Variants in CFAP47 observed in about 807,000 individuals in gnomAD.
The protein encoded by CFAP47 is cilia and flagella associated protein 47.
Under a neutral mutation model 148.1 loss-of-function variants are expected in CFAP47, and 29 were observed. The ratio of observed to expected loss-of-function variants is 0.20; its 90% CI spans 0.15 to 0.27. The LOEUF (loss-of-function observed/expected upper bound fraction) is 0.27. Among genes scored for constraint, CFAP47 ranks in the 10% least tolerant of loss-of-function variants. CFAP47 has a pLI of 1.00. For synonymous variants in CFAP47, 664 were observed against 577.3 expected (o/e 1.15, Z -2.15); for missense variants, 1,872 against 1,697.5 (o/e 1.10, Z -1.81).
chrX:36,046,300 TAAAC>T (rs1407036869), intron 25 of CFAP47, among the ~76,000 whole-genome samples: 2 of 110,521 alleles, frequency 1.8e-5, no homozygotes, highest in Non-Finnish European at 3.8e-5. Flanking sequence ...ATATTAAAAA[TAAAC>T]AGTTTGGAAT....
intron 39 of CFAP47, 89 bp downstream of exon 39, chrX:36,160,858 T>TTC: frequency 4.0e-6 from 1 of 249,547 alleles, no homozygotes; most frequent in Non-Finnish European, 7.0e-6. Context: ...TTCTTTTTTT[T>TTC]TTTTTTTTTT....
intron 32 of CFAP47, among the ~76,000 whole-genome samples, chrX:36,102,011 T>C (rs1426275525): frequency 8.9e-6 from 1 of 111,736 alleles, no homozygotes; most frequent in African/African-American, 3.3e-5. Flanking sequence ...TTTGTCATTG[T>C]TGTTCTGAAG....
intron 48 of CFAP47, 40 bp downstream of exon 48, chrX:36,236,899 A>G: frequency 2.4e-6 from 1 of 422,552 alleles, no homozygotes; most frequent in Non-Finnish European, 4.2e-6. Flanking sequence ...TTTTTTCTGA[A>G]TATAGTGAAT....
At position 35,971,640 on chromosome X, in the gene CFAP47, T is replaced by C. The variant is rs1244608923; in HGVS notation, c.2025T>C (p.Gly675=). 3 of 1,204,710 alleles carry C rather than the reference T, an allele frequency of 2.5e-6. No individual in the cohort carries two copies. The highest frequency in any genetic ancestry group is 6.0e-5 in the East Asian group (2 of 33,420). The change falls in exon 12 of 64, where the codon GGT becomes GGC. Residue 675 remains glycine, a synonymous_variant. Coordinates refer to ENST00000378653, the MANE Select transcript of CFAP47 (RefSeq NM_001304548.2). ...ACATAGGCTTAGAGCCAGGATCAGG[T>C]CTAAAGTCACCCTCACTCTCAGAAG... is the stretch of plus-strand genomic sequence containing the variant. ...DTDIGLEPGS[G]LKSPSLSEAE... is the part of the protein sequence containing the mutation.
At chrX:36,071,679 AC>A in intron 27 of CFAP47, 145 bp from the exon 28 acceptor site, 1 of 395,551 alleles carries the variant, frequency 2.5e-6, no homozygotes, top group Non-Finnish European at 4.0e-6. Context: ...GGGTGTTTAG[AC>A]TTTTTTTTTA....
chrX:36,240,808 G>T (rs1555995876), intron 48 of CFAP47, among the ~76,000 whole-genome samples: 1 of 111,819 alleles, frequency 8.9e-6, no homozygotes, highest in African/African-American at 3.3e-5. Flanking sequence ...AAAAATTACT[G>T]TATAGGTGAA....
intron 59 of CFAP47, among the ~76,000 whole-genome samples, chrX:36,352,106 T>C (rs1556017595): frequency 9.0e-6 from 1 of 111,339 alleles, no homozygotes; most frequent in Admixed American, 9.6e-5. Flanking sequence ...CTCTACTATC[T>C]GTCACACTGT....
intron 49 of CFAP47, among the ~76,000 whole-genome samples, chrX:36,271,991 G>A (rs782786768): frequency 8.1e-5 from 9 of 111,589 alleles, no homozygotes; most frequent in African/African-American, 2.6e-4. Flanking sequence ...AATTCAATAG[G>A]ACCTACAGTT....
chrX:35,975,931 G>A lies in CFAP47; in HGVS notation c.2713+18G>A. Reference sequence around the variant, plus strand: ...AGCTAAAGGTAACAGTTTATTGTTTGTTTGATTTAGACATTTATTTTTTCA... The same window carrying A: ...AGCTAAAGGTAACAGTTTATTGTTTATTTGATTTAGACATTTATTTTTTCA... On this transcript the variant is annotated intron_variant, in intron 15 of 63. Coordinates refer to ENST00000378653, the MANE Select transcript of CFAP47 (RefSeq NM_001304548.2). 1 of 1,200,462 alleles carries A rather than the reference G, an allele frequency of 8.3e-7. No individual in the cohort carries two copies. Among genetic ancestry groups the A allele is most frequent in the South Asian group, 1.8e-5 (1 of 56,523 alleles).
intron 33 of CFAP47, among the ~76,000 whole-genome samples, chrX:36,131,420 G>A (rs185424063): frequency 5.4e-5 from 6 of 110,431 alleles, no homozygotes; most frequent in Non-Finnish European, 9.5e-5. Flanking sequence ...GGAAATCTCT[G>A]CACTTTTTGC....
At chrX:36,072,102 A>T (rs1937765962) in intron 28 of CFAP47, 131 bp downstream of exon 28, 1 of 469,579 alleles carries the variant, frequency 2.1e-6, no homozygotes, top group Non-Finnish European at 3.4e-6. Context: ...TTTGTCATTA[A>T]TTTTAAATGG....
chrX:35,933,779 A>G (rs192196520), intron 2 of CFAP47, among the ~76,000 whole-genome samples: 266 of 111,818 alleles, frequency 2.4e-3, no homozygotes, highest in African/African-American at 8.4e-3. Flanking sequence ...TTGGGGTGAG[A>G]TGATATCTCA....
intron 50 of CFAP47, among the ~76,000 whole-genome samples, chrX:36,284,950 G>A (rs914210248): frequency 9.0e-6 from 1 of 111,248 alleles, no homozygotes; most frequent in African/African-American, 3.3e-5. Context: ...TTTGACAGAC[G>A]TAAAAAACCT....
chrX:36,374,292 T>G (rs947663980), intron 62 of CFAP47, among the ~76,000 whole-genome samples: 2 of 110,948 alleles, frequency 1.8e-5, no homozygotes, highest in Non-Finnish European at 3.8e-5. Flanking sequence ...TCTAGAAATA[T>G]ATACATTTCC....
chrX:35,923,128 GATT>G (rs1489958696), intron 1 of CFAP47, among the ~76,000 whole-genome samples: 1 of 111,110 alleles, frequency 9.0e-6, no homozygotes, highest in African/African-American at 3.3e-5. Context: ...TCCTTAAAGA[GATT>G]ATGTATTCAG....
chrX:35,975,887 T>C lies in CFAP47; in HGVS notation c.2687T>C (p.Ile896Thr). 8.3e-7 allele frequency: 1 copy of C among 1,210,460 alleles called. No individual in the cohort carries two copies. Among genetic ancestry groups the C allele is most frequent in the Non-Finnish European group, 1.1e-6 (1 of 894,375 alleles). ...QWQPVNTGRG[I>T]AFSICPAKGT... ...CAACCCGTAAACACAGGAAGAGGGA[T>C]AGCATTTTCTATTTGTCCAGCTAAA... The change falls in exon 15 of 64, where the codon ATA becomes ACA. Residue 896 changes from isoleucine (I) to threonine (T), a missense_variant. Physicochemically the swap from Ile to Thr is moderately conservative, Grantham distance 89. Transcript: ENST00000378653.
chrX:36,206,282 G>A (rs1555988771), intron 45 of CFAP47, among the ~76,000 whole-genome samples: 2 of 111,916 alleles, frequency 1.8e-5, no homozygotes, highest in African/African-American at 6.5e-5. Flanking sequence ...TTTTCAATGT[G>A]CTATTAGAAT....
intron 62 of CFAP47, among the ~76,000 whole-genome samples, chrX:36,377,472 T>C (rs1942034954): frequency 8.9e-6 from 1 of 112,213 alleles, no homozygotes; most frequent in Non-Finnish European, 1.9e-5. Context: ...GATGGGGTTA[T>C]TTGATTTTTT....
chrX:36,002,666 G>T (rs941882803), intron 21 of CFAP47, among the ~76,000 whole-genome samples: 2 of 111,409 alleles, frequency 1.8e-5, no homozygotes, highest in African/African-American at 6.5e-5. Flanking sequence ...CTTCTATGTG[G>T]CAATCAGAGT....
Sources: gnomAD v4.1 joint callset for allele counts (sites outside exome capture counted in the v4.1 genomes callset) on GRCh38, gnomAD v4.1.1 for gene constraint, MANE v1.5 for transcripts, NCBI Gene and HGNC (gene_info 2026-07-23, HGNC 2026-07-21) for gene names.